TRPC4AP: variants seen among roughly 807,000 people sequenced by gnomAD.
The protein encoded by TRPC4AP is transient receptor potential cation channel subfamily C member 4 associated protein.
A neutral mutation model predicts 99.0 loss-of-function variants in TRPC4AP; 45 were observed. That is an observed-to-expected ratio of 0.45 (90% confidence interval 0.36 to 0.58). The LOEUF is 0.58. Ranked by LOEUF, TRPC4AP falls within the 20% of genes least tolerant of loss-of-function variation. The pLI is 0.00. For missense variants in TRPC4AP, 879 were observed against 985.3 expected (o/e 0.89, Z 1.44); for synonymous variants, 408 against 385.8 (o/e 1.06, Z -0.67).
At chr20:35,053,117 C>T (rs11905081) in intron 5 of TRPC4AP, among the ~76,000 whole-genome samples, 21,138 of 152,040 alleles carry the variant, frequency 0.14, 1,846 homozygotes, top group African/African-American at 0.25. Flanking sequence ...TTAATACATT[C>T]GTATAATTTA....
At chr20:35,085,333 G>A (rs1485058630) in intron 1 of TRPC4AP, among the ~76,000 whole-genome samples, 1 of 152,118 alleles carries the variant, frequency 6.6e-6, no homozygotes, top group African/African-American at 2.4e-5. Flanking sequence ...ATAATTTGGG[G>A]CTGGGCACAG....
At chr20:35,035,889 C>T (rs947611539) in intron 7 of TRPC4AP, among the ~76,000 whole-genome samples, 3 of 152,090 alleles carry the variant, frequency 2.0e-5, no homozygotes, top group African/African-American at 7.2e-5. Flanking sequence ...TTTGCTTCTT[C>T]AAAATACACA....
intron 10 of TRPC4AP, among the ~76,000 whole-genome samples, chr20:35,015,305 G>T (rs1442347993): frequency 6.6e-6 from 1 of 151,916 alleles, no homozygotes; most frequent in Non-Finnish European, 1.5e-5. Flanking sequence ...CGGGAGCACG[G>T]TTCTATAGGT....
chr20:35,045,670 T>A (rs902200462), intron 6 of TRPC4AP, among the ~76,000 whole-genome samples: 1 of 151,892 alleles, frequency 6.6e-6, no homozygotes, highest in Non-Finnish European at 1.5e-5. Context: ...TCCCAAGTAG[T>A]GGGGATTACA....
intron 1 of TRPC4AP, among the ~76,000 whole-genome samples, chr20:35,084,259 A>C (rs2084737597): frequency 6.7e-6 from 1 of 150,126 alleles, no homozygotes; most frequent in South Asian, 2.1e-4. Flanking sequence ...ACAGTGCGAG[A>C]CTCCGTCCCA....
At position 35,004,446 on chromosome 20, in the gene TRPC4AP, G is replaced by T; in HGVS notation, c.2049+12C>A. The T allele has an allele frequency of 6.2e-7, 1 of 1,608,304 alleles. No individual in the cohort carries two copies. The highest frequency in any genetic ancestry group is 2.2e-5 in the East Asian group (1 of 44,574). On this transcript the variant is annotated intron_variant, in intron 17 of 18. Coordinates refer to ENST00000252015, the MANE Select transcript of TRPC4AP (RefSeq NM_015638.3). ...CGACCTTCCCTGCTGTGTGTCTGCC[G>T]GGGCCTCTCACCTGGGTCAGCGTCT...
intron 3 of TRPC4AP, among the ~76,000 whole-genome samples, chr20:35,057,943 C>A (rs1003039496): frequency 6.6e-6 from 1 of 152,210 alleles, no homozygotes; most frequent in Non-Finnish European, 1.5e-5. Context: ...TCAAAAGATA[C>A]ACCATAAATT....
At chr20:35,046,842 C>A (rs1055886810) in intron 6 of TRPC4AP, among the ~76,000 whole-genome samples, 4 of 152,026 alleles carry the variant, frequency 2.6e-5, no homozygotes, top group African/African-American at 7.2e-5. Flanking sequence ...CAGCCCACTT[C>A]TTATGGTTTT....
intron 3 of TRPC4AP, 125 bp downstream of exon 3, chr20:35,069,171 C>T (rs2084237991): frequency 3.1e-6 from 2 of 642,938 alleles, no homozygotes; most frequent in African/African-American, 3.7e-5. Context: ...TGCCGCTAAG[C>T]TTCTAAAAGT....
intron 3 of TRPC4AP, among the ~76,000 whole-genome samples, chr20:35,064,319 T>C (rs2145978848): frequency 6.6e-6 from 1 of 152,362 alleles, no homozygotes; most frequent in African/African-American, 2.4e-5. Flanking sequence ...GAAGATTCCA[T>C]AGCATTTTTT....
At chr20:35,050,747 C>CA (rs1270773295) in intron 5 of TRPC4AP, among the ~76,000 whole-genome samples, 1 of 150,394 alleles carries the variant, frequency 6.6e-6, no homozygotes, top group Non-Finnish European at 1.5e-5. Context: ...CCAACAACAA[C>CA]AAAAAAACAA....
In TRPC4AP at chr20:35,058,482, T is replaced by A. The variant is rs973214178; in HGVS notation, c.415-911A>T. Among the ~76,000 whole-genome samples the A allele has an allele frequency of 9.7e-4, 148 of 152,060 alleles. 1 individual carries two copies. The highest frequency in any genetic ancestry group is 1.8e-3 in the Non-Finnish European group (125 of 68,006). ...GTTGTGTGGCCACAATGGAATGAAA[T>A]TAAAATCAGAACGAAATTTGGGAAA... On this transcript the variant is annotated intron_variant, in intron 3 of 18. Transcript: ENST00000252015.
intron 7 of TRPC4AP, among the ~76,000 whole-genome samples, chr20:35,035,535 A>G (rs1419402926): frequency 6.6e-6 from 1 of 152,228 alleles, no homozygotes; most frequent in African/African-American, 2.4e-5. Context: ...TACTGGGAAT[A>G]TAAATTAGAA....
At chr20:35,059,074 G>A (rs2083912933) in intron 3 of TRPC4AP, among the ~76,000 whole-genome samples, 1 of 152,028 alleles carries the variant, frequency 6.6e-6, no homozygotes, top group East Asian at 1.9e-4. Flanking sequence ...CAAGCAAAAG[G>A]GAGAATAAGA....
chr20:35,086,211 G>C (rs941689135), intron 1 of TRPC4AP, among the ~76,000 whole-genome samples: 1 of 151,868 alleles, frequency 6.6e-6, no homozygotes, highest in East Asian at 1.9e-4. Context: ...CGTCTAGCTC[G>C]GCCTCCCAAA....
Position 35,042,422 on chromosome 20 carries a change from A to G in TRPC4AP, c.865+2083T>C, listed in dbSNP as rs139911580. On this transcript the variant is annotated intron_variant, in intron 7 of 18. Transcript: ENST00000252015. The stretch of plus-strand genomic sequence containing the variant: ...GCCTCAGGAGAGGAGGCTGCTCTGA[A>G]GCACTTGATAACTCTGCAGAGCCAG... 2.3e-3 allele frequency among the ~76,000 whole-genome samples: 355 copies of G among 152,336 alleles called. 1 individual carries two copies. Among genetic ancestry groups the G allele is most frequent in the African/African-American group, 8.3e-3 (344 of 41,584 alleles).
Position 35,034,983 on chromosome 20 carries a change from A to C in TRPC4AP, c.1051+140T>G. 3.6e-6 allele frequency: 3 copies of C among 840,006 alleles called. No homozygotes were observed. The South Asian group carries it at 6.8e-5, about 19-fold the overall frequency. 52.0% of individuals were successfully genotyped at this position (840,006 alleles called of 1,614,324 possible). A position where few individuals can be genotyped will look rare whatever the true frequency, so the allele number is the denominator to read the frequency against. ...AACAAGCTGTCAAAAGAGTCTTAAT[A>C]GTCATGGTCTAGAATTGCCTTGAGG... is the stretch of plus-strand genomic sequence containing the variant. On this transcript the variant is annotated intron_variant, in intron 8 of 18. Transcript: ENST00000252015.
intron 15 of TRPC4AP, 68 bp from the exon 16 acceptor site, chr20:35,005,871 T>G (rs3746430): frequency 3.1e-5 from 44 of 1,424,626 alleles, no homozygotes; most frequent in Non-Finnish European, 4.1e-5. Flanking sequence ...CCCGGGGGGA[T>G]AGTCACTACA....
At chr20:35,029,767 C>T (rs2147320839) in intron 8 of TRPC4AP, among the ~76,000 whole-genome samples, 1 of 148,750 alleles carries the variant, frequency 6.7e-6, no homozygotes, top group South Asian at 2.1e-4. Flanking sequence ...TCCCCAGCAG[C>T]TGGGACTACA....
Sources: allele counts gnomAD v4.1 joint callset (sites outside exome capture counted in the v4.1 genomes callset), GRCh38; gene constraint gnomAD v4.1.1; transcripts MANE v1.5; gene names NCBI Gene and HGNC (gene_info 2026-07-23, HGNC 2026-07-21).